CADPS2: variants seen among roughly 807,000 people sequenced by gnomAD.
CADPS2 encodes calcium-dependent secretion activator 2.
Under a neutral mutation model 172.5 loss-of-function variants are expected in CADPS2, and 93 were observed. That is an observed-to-expected ratio of 0.54 (90% CI 0.46 to 0.64). CADPS2 has a LOEUF of 0.64. CADPS2 is among the 30% of genes least tolerant of loss of function. The pLI is 0.00. For missense variants in CADPS2, 1,420 were observed against 1,565.9 expected (o/e 0.91, Z 1.57); for synonymous variants, 546 against 555.2 (o/e 0.98, Z 0.23).
At chr7:122,432,722 T>G (rs897346141) in intron 17 of CADPS2, among the ~76,000 whole-genome samples, 1 of 150,348 alleles carries the variant, frequency 6.7e-6, no homozygotes, top group Non-Finnish European at 1.5e-5. Context: ...AAAATCATGA[T>G]GAATTTTGGG....
At chr7:122,802,807 T>C (rs924956604) in intron 1 of CADPS2, among the ~76,000 whole-genome samples, 6 of 152,134 alleles carry the variant, frequency 3.9e-5, no homozygotes, top group Admixed American at 2.6e-4. Flanking sequence ...AATGGAATAA[T>C]ATACAGCCAT....
chr7:122,330,460 G>A lies in CADPS2; in HGVS notation c.3613-4879C>T, dbSNP rs533661284. 8.5e-5 allele frequency among the ~76,000 whole-genome samples: 13 copies of A among 152,188 alleles called. No homozygotes were observed. In the East Asian group the frequency reaches 2.5e-3, roughly 29 times the overall value. ...CATGTCTAAACACTAAAACGCAAAT[G>A]TTATATTAATGGTAAATTTAATATA... On this transcript the variant is annotated intron_variant, in intron 28 of 29. Transcript: ENST00000449022.
intron 1 of CADPS2, among the ~76,000 whole-genome samples, chr7:122,873,415 GCA>G (rs1450364714): frequency 1.3e-5 from 2 of 152,116 alleles, no homozygotes; most frequent in Admixed American, 1.3e-4. Flanking sequence ...GTGAGAACAT[GCA>G]GTGTTTGGTT....
At chr7:122,493,871 T>C (rs1394198171) in intron 9 of CADPS2, among the ~76,000 whole-genome samples, 1 of 152,150 alleles carries the variant, frequency 6.6e-6, no homozygotes, top group Non-Finnish European at 1.5e-5. Flanking sequence ...CCTAATCAAA[T>C]AGTTTGCTGT....
intron 1 of CADPS2, among the ~76,000 whole-genome samples, chr7:122,793,493 C>T (rs1381052781): frequency 1.3e-5 from 2 of 152,088 alleles, no homozygotes; most frequent in East Asian, 1.9e-4. Flanking sequence ...GATTTTTCTC[C>T]ATCCTTTTAT....
chr7:122,849,444 T>C (rs1010097225), intron 1 of CADPS2, among the ~76,000 whole-genome samples: 3 of 152,216 alleles, frequency 2.0e-5, no homozygotes, highest in East Asian at 3.9e-4. Flanking sequence ...GAAATGCCAC[T>C]GCCATAGATT....
intron 1 of CADPS2, among the ~76,000 whole-genome samples, chr7:122,834,740 G>C (rs572573873): frequency 2.3e-3 from 348 of 152,296 alleles, no homozygotes; most frequent in African/African-American, 7.6e-3. Context: ...GCTGGGGGAG[G>C]GGCACCTGCC....
At chr7:122,395,106 A>G (rs2044896282) in intron 20 of CADPS2, among the ~76,000 whole-genome samples, 1 of 152,242 alleles carries the variant, frequency 6.6e-6, no homozygotes, top group African/African-American at 2.4e-5. Flanking sequence ...TCTTCAGAGC[A>G]AAAACATCCC....
At chr7:122,688,472 A>G (rs1236171892) in intron 2 of CADPS2, among the ~76,000 whole-genome samples, 1 of 152,178 alleles carries the variant, frequency 6.6e-6, no homozygotes, top group Non-Finnish European at 1.5e-5. Flanking sequence ...AGTGGCAAAC[A>G]GCTGAAAGAA....
intron 1 of CADPS2, among the ~76,000 whole-genome samples, chr7:122,828,075 T>C (rs1805456728): frequency 6.6e-6 from 1 of 152,210 alleles, no homozygotes; most frequent in African/African-American, 2.4e-5. Flanking sequence ...TTCACTTCAT[T>C]TTGAGGCACT....
intron 3 of CADPS2, among the ~76,000 whole-genome samples, chr7:122,660,781 G>C (rs530074771): frequency 4.3e-4 from 65 of 152,054 alleles, no homozygotes; most frequent in African/African-American, 1.5e-3. Context: ...TGGTGGTGTG[G>C]TGCCTGTAAT....
chr7:122,689,990 T>C (rs186766573), intron 2 of CADPS2, among the ~76,000 whole-genome samples: 6 of 152,302 alleles, frequency 3.9e-5, no homozygotes, highest in Admixed American at 2.0e-4. Flanking sequence ...CCACGAGGCC[T>C]GGACAGTGTG....
chr7:122,771,336 G>T (rs1473844274), intron 1 of CADPS2, among the ~76,000 whole-genome samples: 1 of 152,128 alleles, frequency 6.6e-6, no homozygotes, highest in East Asian at 1.9e-4. Context: ...AAAATACCAG[G>T]CTATGGATAT....
intron 5 of CADPS2, 141 bp downstream of exon 5, chr7:122,621,340 T>C: frequency 3.3e-6 from 2 of 609,824 alleles, no homozygotes; most frequent in South Asian, 2.4e-5. Flanking sequence ...AAGCTGAGTG[T>C]CCAACAAATG....
rs920198027 is a variant in CADPS2 at position 122,669,352 on chromosome 7, TA to T, written c.454-5784del. Among the ~76,000 whole-genome samples the T allele has an allele frequency of 2.3e-4, 17 of 74,328 alleles. 1 individual carries two copies. The highest frequency in any genetic ancestry group is 9.3e-4 in the East Asian group (2 of 2,162). 48.8% of individuals were successfully genotyped at this position (74,328 alleles called of 152,430 possible). A position where few individuals can be genotyped will look rare whatever the true frequency, so the allele number is the denominator to read the frequency against. On this transcript the variant is annotated intron_variant, in intron 2 of 29. Coordinates refer to ENST00000449022, the MANE Select transcript of CADPS2 (RefSeq NM_017954.11). ...TCTAAAGAAAAAATATATATATATATATATTTTTTTTTTTTGAGAAAAAGTA... is the reference window on the plus strand; with the variant it reads ...TCTAAAGAAAAAATATATATATATATTATTTTTTTTTTTTGAGAAAAAGTA...
intron 2 of CADPS2, among the ~76,000 whole-genome samples, chr7:122,679,265 TGG>T (rs59410664): frequency 0.29 from 11,512 of 39,238 alleles, 4,109 homozygotes; most frequent in South Asian, 0.7. Context: ...AATGCATTCC[TGG>T]GGGGGGGGGG....
intron 3 of CADPS2, among the ~76,000 whole-genome samples, chr7:122,640,811 G>A (rs1588056210): frequency 6.6e-6 from 1 of 151,812 alleles, no homozygotes; most frequent in African/African-American, 2.4e-5. Flanking sequence ...GCGGGCGCCT[G>A]TAGTCCCAGC....
At chr7:122,626,965 CT>C (rs2076148121) in intron 4 of CADPS2, among the ~76,000 whole-genome samples, 1 of 152,158 alleles carries the variant, frequency 6.6e-6, no homozygotes, top group African/African-American at 2.4e-5. Context: ...AGATTTTGCC[CT>C]GTAGTTTCAC....
At chr7:122,487,692 A>G (rs1170566388) in intron 11 of CADPS2, among the ~76,000 whole-genome samples, 1 of 152,218 alleles carries the variant, frequency 6.6e-6, no homozygotes, top group African/African-American at 2.4e-5. Flanking sequence ...AAGGACTCAG[A>G]TTTGAATAAA....
Sources: allele counts gnomAD v4.1 joint callset (sites outside exome capture counted in the v4.1 genomes callset), GRCh38; gene constraint gnomAD v4.1.1; transcripts MANE v1.5; gene names NCBI Gene and HGNC (gene_info 2026-07-23, HGNC 2026-07-21).